Variants in CDYL2 observed in about 807,000 individuals in gnomAD.
The protein encoded by CDYL2 is chromodomain Y like 2.
Under a neutral mutation model 49.4 loss-of-function variants are expected in CDYL2, and 23 were observed. The observed-to-expected ratio is 0.47, with a 90% confidence interval of 0.34 to 0.66. The LOEUF (loss-of-function observed/expected upper bound fraction) is 0.66, where lower values mean the gene tolerates loss of function less well. CDYL2 is among the 30% of genes least tolerant of loss of function. CDYL2 has a pLI of 0.01. For missense variants in CDYL2, 678 were observed against 656.4 expected, an observed-to-expected ratio of 1.03 and a Z score of -0.36; for synonymous variants, 360 against 268.8, an observed-to-expected ratio of 1.34 and a Z score of -3.32.
At chr16:80,749,920 T>TTCA (rs1265535460) in intron 1 of CDYL2, among the ~76,000 whole-genome samples, 3 of 151,912 alleles carry the variant, frequency 2.0e-5, no homozygotes, top group African/African-American at 7.3e-5. Flanking sequence ...AAAGGATGAG[T>TTCA]TCATGTCCTT....
intron 1 of CDYL2, among the ~76,000 whole-genome samples, chr16:80,764,693 G>A (rs1236386224): frequency 6.6e-6 from 1 of 152,052 alleles, no homozygotes; most frequent in Non-Finnish European, 1.5e-5. Flanking sequence ...CGCCATCCGT[G>A]GGAAAAGAAG....
chr16:80,673,130 C>T (rs1597163746), intron 2 of CDYL2, among the ~76,000 whole-genome samples: 1 of 151,792 alleles, frequency 6.6e-6, no homozygotes, highest in Non-Finnish European at 1.5e-5. Context: ...CCAGCCTGGC[C>T]AACATGGTGA....
At chr16:80,715,389 A>G (rs1206712122) in intron 1 of CDYL2, among the ~76,000 whole-genome samples, 1 of 152,126 alleles carries the variant, frequency 6.6e-6, no homozygotes, top group East Asian at 1.9e-4. Flanking sequence ...CCAGTTATCC[A>G]AGGCGAGGAG....
rs115094569 is a variant in CDYL2 at position 80,772,347 on chromosome 16, A to C, written c.24+31803T>G. Among the ~76,000 whole-genome samples the C allele has an allele frequency of 6.3e-3, 958 of 152,348 alleles. 9 individuals are homozygous for C. The highest frequency in any genetic ancestry group is 0.022 in the African/African-American group (925 of 41,592). ...AACAATTTCCAATGGGGCTTAAAAT[A>C]TACAGAAATAAAACACTCAAAAACA... is the stretch of plus-strand genomic sequence containing the variant. On this transcript the variant is annotated intron_variant, in intron 1 of 6. Coordinates refer to ENST00000570137, the MANE Select transcript of CDYL2 (RefSeq NM_152342.4).
intron 1 of CDYL2, among the ~76,000 whole-genome samples, chr16:80,718,721 A>T (rs1031886769): frequency 5.9e-5 from 9 of 152,214 alleles, no homozygotes; most frequent in African/African-American, 2.2e-4. Flanking sequence ...CCCAACAGAC[A>T]CGTGGATAGT....
chr16:80,790,533 T>A (rs1907575654), intron 1 of CDYL2, among the ~76,000 whole-genome samples: 1 of 152,250 alleles, frequency 6.6e-6, no homozygotes, highest in Non-Finnish European at 1.5e-5. Flanking sequence ...ACAGCTCTCA[T>A]ATATACCATA....
intron 5 of CDYL2, among the ~76,000 whole-genome samples, chr16:80,609,487 G>A (rs1906499450): frequency 1.3e-5 from 2 of 152,202 alleles, no homozygotes; most frequent in African/African-American, 2.4e-5. Context: ...AATCTTTTAT[G>A]TCGATAATAA....
chr16:80,721,217 G>C (rs572425131), intron 1 of CDYL2, among the ~76,000 whole-genome samples: 2 of 152,264 alleles, frequency 1.3e-5, no homozygotes, highest in South Asian at 2.1e-4. Flanking sequence ...GCTGTTTGCT[G>C]TCTGCACATG....
chr16:80,606,221 C>T (rs749578907), intron 6 of CDYL2, among the ~76,000 whole-genome samples: 12 of 152,206 alleles, frequency 7.9e-5, no homozygotes, highest in African/African-American at 2.7e-4. Context: ...GGAATGGCCT[C>T]GAAGAGCACC....
chr16:80,644,017 A>G (rs7196974), intron 2 of CDYL2, among the ~76,000 whole-genome samples: 5,793 of 152,260 alleles, frequency 0.038, 228 homozygotes, highest in African/African-American at 0.1. Context: ...CAGGCTACAA[A>G]TTTTCCAAAC....
At chr16:80,742,139 G>A (rs1470421315) in intron 1 of CDYL2, 3 of 152,196 alleles carry the variant, frequency 2.0e-5, no homozygotes, top group African/African-American at 7.2e-5. Context: ...ATCATCCAAG[G>A]TCACACAATA....
chr16:80,630,470 G>T (rs1907510652), intron 3 of CDYL2, among the ~76,000 whole-genome samples: 1 of 152,328 alleles, frequency 6.6e-6, no homozygotes, highest in Admixed American at 6.5e-5. Flanking sequence ...GAAGTAGAAA[G>T]AATCTAGGAA....
chr16:80,790,803 C>G (rs1000881632), intron 1 of CDYL2, among the ~76,000 whole-genome samples: 3 of 152,162 alleles, frequency 2.0e-5, no homozygotes, highest in Non-Finnish European at 4.4e-5. Flanking sequence ...CTAAACAAGA[C>G]TCAAGGCTGT....
chr16:80,690,063 G>A lies in CDYL2; in HGVS notation c.25-4934C>T, dbSNP rs935572757. ...TTGAACCCAGGAGGCGGAGGTTACAGTGAGGCGAGATCGCACCACTGCACT... is the reference window on the plus strand; with the variant it reads ...TTGAACCCAGGAGGCGGAGGTTACAATGAGGCGAGATCGCACCACTGCACT... On this transcript the variant is annotated intron_variant, in intron 1 of 6. Transcript: ENST00000570137. Among the ~76,000 whole-genome samples the A allele has an allele frequency of 3.9e-5, 6 of 152,000 alleles. No individual in the cohort carries two copies. The South Asian group carries it at 1.0e-3, about 26-fold the overall frequency.
chr16:80,604,633 C>A lies in CDYL2; in HGVS notation c.1363-87G>T, dbSNP rs533939779. 5.0e-6 allele frequency: 7 copies of A among 1,397,750 alleles called. No homozygotes were observed. The African/African-American group carries it at 5.7e-5, about 11-fold the overall frequency. 86.6% of individuals were successfully genotyped at this position (1,397,750 alleles called of 1,614,324 possible). A position where few individuals can be genotyped will look rare whatever the true frequency, so the allele number is the denominator to read the frequency against. ...ACCTGGCCCATGGGGCACTGGCCAA[C>A]CTCCCATACTCACAGCCAGAGAAGG... On this transcript the variant is annotated intron_variant, in intron 6 of 6. Coordinates refer to ENST00000570137, the MANE Select transcript of CDYL2 (RefSeq NM_152342.4).
intron 1 of CDYL2, among the ~76,000 whole-genome samples, chr16:80,719,801 G>A (rs574250073): frequency 8.5e-4 from 129 of 152,294 alleles, no homozygotes; most frequent in South Asian, 6.2e-3. Context: ...TTCACAGCCC[G>A]TGTCTGTCCA....
intron 2 of CDYL2, among the ~76,000 whole-genome samples, chr16:80,673,717 C>T (rs1909625786): frequency 6.6e-6 from 1 of 152,166 alleles, no homozygotes; most frequent in African/African-American, 2.4e-5. Flanking sequence ...CCTTAAAGAT[C>T]TCATATCCTA....
chr16:80,715,178 G>C (rs1904755035), intron 1 of CDYL2, among the ~76,000 whole-genome samples: 1 of 152,118 alleles, frequency 6.6e-6, no homozygotes, highest in African/African-American at 2.4e-5. Context: ...GGCCATGTGG[G>C]TCAGGTCAGC....
In CDYL2 at chr16:80,633,047, G is replaced by C. The variant is rs761277499; in HGVS notation, c.806C>G (p.Thr269Ser). 25 of 1,614,130 alleles carry C rather than the reference G, an allele frequency of 1.5e-5. No individual in the cohort carries two copies. Among genetic ancestry groups the C allele is most frequent in the Non-Finnish European group, 2.1e-5 (25 of 1,179,990 alleles). Residue 269 changes from threonine (T) to serine (S), a missense_variant, in exon 3 of 7, where the codon ACC becomes AGC. Physicochemically the swap from Thr to Ser is moderately conservative, Grantham distance 58. Transcript: ENST00000570137. The part of the protein sequence containing the change: ...GFTHILLSSQ[T>S]SDNNALTPEI... ...AGGTGTCAGGGCATTGTTATCCGAG[G>C]TCTGACTGGACAGCAGGATGTGCGT... is the stretch of plus-strand genomic sequence containing the variant.
Sources: gnomAD v4.1 joint callset for allele counts (sites outside exome capture counted in the v4.1 genomes callset) on GRCh38, gnomAD v4.1.1 for gene constraint, MANE v1.5 for transcripts, NCBI Gene and HGNC (gene_info 2026-07-23, HGNC 2026-07-21) for gene names.